The following MPIG6B variants were observed in gnomAD, a reference collection of about 807,000 sequenced individuals.
MPIG6B encodes immunoglobulin receptor.
Under a neutral mutation model 24.2 loss-of-function variants are expected in MPIG6B, and 22 were observed. The ratio of observed to expected loss-of-function variants is 0.91; its 90% CI spans 0.65 to 1.30. MPIG6B has a LOEUF of 1.30. MPIG6B is among the 50% of genes most tolerant of loss of function. MPIG6B has a pLI of 0.00. For missense variants in MPIG6B, 301 were observed against 318.5 expected, an observed-to-expected ratio of 0.94 and a Z score of 0.42; for synonymous variants, 136 against 142.0, an observed-to-expected ratio of 0.96 and a Z score of 0.30.
Position 31,724,855 on chromosome 6 carries a change from G to A in MPIG6B, c.621+11G>A, listed in dbSNP as rs142054379. The A allele has an allele frequency of 1.4e-5, 23 of 1,613,804 alleles. No individual in the cohort carries two copies. The African/African-American group carries it at 2.1e-4, about 15-fold the overall frequency. ...CTGGACCAGGAACCGGTAAGGGCAT[G>A]GGGATGGGAAGGGGATAGCCAGAAT... On this transcript the variant is annotated intron_variant, in intron 5 of 5. Transcript: ENST00000649779.
At chr6:31,723,285 G>A, upstream of MPIG6B, 4 of 607,842 alleles carry the variant, frequency 6.6e-6, no homozygotes, top group Admixed American at 5.4e-5. The surrounding 1 kb of genome is among the most constrained non-coding windows in gnomAD (Gnocchi z 4.3). Flanking sequence ...GAGCCCCCCA[G>A]CCCCTCCGTT....
intron 3 of MPIG6B, 85 bp downstream of exon 3, chr6:31,724,317 C>T: frequency 1.7e-6 from 2 of 1,148,536 alleles, no homozygotes; most frequent in South Asian, 1.3e-5. Context: ...AAAGAAAGAG[C>T]TAGACCTAGA....
In MPIG6B at chr6:31,723,381, A is replaced by C. The variant is rs1182769654; in HGVS notation, c.-3A>C. 6.2e-7 allele frequency: 1 copy of C among 1,611,750 alleles called. No homozygotes were observed. The highest frequency in any genetic ancestry group is 8.5e-7 in the Non-Finnish European group (1 of 1,179,430). Reference sequence around the variant, plus strand: ...CGCAGCTTCTCCTCACCACATCCTAACCATGGCTGTGTTTCTGCAGCTGCT... The same window carrying C: ...CGCAGCTTCTCCTCACCACATCCTACCCATGGCTGTGTTTCTGCAGCTGCT... On this transcript the variant is annotated 5_prime_UTR_variant, in exon 1 of 6. Coordinates refer to ENST00000649779, the MANE Select transcript of MPIG6B (RefSeq NM_138272.3). The surrounding 1 kb of genome is among the most constrained non-coding windows in gnomAD (Gnocchi z 4.3).
At chr6:31,721,512 A>T (rs1343524671), upstream of MPIG6B, 1 of 873,604 alleles carries the variant, frequency 1.1e-6, no homozygotes, top group Non-Finnish European at 1.8e-6. Context: ...GAGCTGAGCC[A>T]GTTGGGGCTG....
chr6:31,721,735 G>A (rs747568109), upstream of MPIG6B: 79 of 1,591,326 alleles, frequency 5.0e-5, no homozygotes, highest in Non-Finnish European at 6.6e-5. Context: ...AGATTTTCAA[G>A]GATCCAGCTC....
At chr6:31,724,327 A>C in intron 3 of MPIG6B, 95 bp downstream of exon 3, 1 of 1,095,188 alleles carries the variant, frequency 9.1e-7, no homozygotes, top group Non-Finnish European at 1.4e-6. Context: ...CTAGACCTAG[A>C]GCTCTGGTCC....
At chr6:31,722,111 A>C (rs557091542), upstream of MPIG6B, among the ~76,000 whole-genome samples, 6 of 152,220 alleles carry the variant, frequency 3.9e-5, no homozygotes, top group Non-Finnish European at 8.8e-5. Flanking sequence ...TGTGGCCCAA[A>C]TTAATTGCTG....
chr6:31,724,346 C>G (rs1426637565), intron 3 of MPIG6B, 114 bp downstream of exon 3: 7 of 969,964 alleles, frequency 7.2e-6, no homozygotes, highest in Non-Finnish European at 9.5e-6. Context: ...CCTGGCTTGG[C>G]GAAGAATGGG....
rs1286574103 is a variant in MPIG6B, at chr6:31,726,441, C to T, written c.*1367C>T. 2.6e-5 allele frequency: 4 copies of T among 152,274 alleles called. No homozygotes were observed. Among genetic ancestry groups the T allele is most frequent in the Non-Finnish European group, 5.9e-5 (4 of 68,056 alleles). The allele number at this position is 152,274 out of a possible 1,614,324, so 9.4% of individuals were successfully genotyped here. On this transcript the variant is annotated 3_prime_UTR_variant, in exon 6 of 6. Coordinates refer to ENST00000649779, the MANE Select transcript of MPIG6B (RefSeq NM_138272.3). This position sits in a 1 kb window ranked among gnomAD's most constrained non-coding sequence, Gnocchi z 5.1. Reference sequence around the variant, plus strand: ...CTGTATTACCCCTTTCCCTCCTTCACACTATCTGCCTGGCTAATTCTTATT... The same window carrying T: ...CTGTATTACCCCTTTCCCTCCTTCATACTATCTGCCTGGCTAATTCTTATT...
chr6:31,723,878 G>A lies in MPIG6B; in HGVS notation c.301G>A (p.Gly101Arg). 6.2e-7 allele frequency: 1 copy of A among 1,609,968 alleles called. No individual in the cohort carries two copies. Among genetic ancestry groups the A allele is most frequent in the South Asian group, 1.1e-5 (1 of 90,718 alleles). ...GCGGCTGGAGCTCCTCTTGAGCGCGGGGGACTCGGGCACTTTTTTCTGCAA... is the reference window on the plus strand; with the variant it reads ...GCGGCTGGAGCTCCTCTTGAGCGCGAGGGACTCGGGCACTTTTTTCTGCAA... ...IRRLELLLSAGDSGTFFCKGR... is the reference protein window; with the variant it reads ...IRRLELLLSARDSGTFFCKGR... The change falls in exon 2 of 6, where the codon GGG (glycine) becomes AGG (arginine). Residue 101 changes from glycine (G) to arginine (R), a missense_variant. By Grantham distance (125) the Gly-to-Arg change is moderately radical. Coordinates refer to ENST00000649779, the MANE Select transcript of MPIG6B (RefSeq NM_138272.3). The surrounding 1 kb of genome is among the most constrained non-coding windows in gnomAD (Gnocchi z 4.3).
Position 31,724,836 on chromosome 6 carries a change from C to CA in MPIG6B, c.614dup (p.Glu206GlyfsTer27). 6.2e-7 allele frequency: 1 copy of CA among 1,613,514 alleles called. No homozygotes were observed. The highest frequency in any genetic ancestry group is 8.5e-7 in the Non-Finnish European group (1 of 1,179,688). On this transcript the variant is annotated frameshift_variant, in exon 5 of 6. Transcript: ENST00000649779. LOFTEE classifies it low-confidence loss of function (END_TRUNC). The stretch of plus-strand genomic sequence containing the variant: ...GCCCAAGATTCCAGGGGACCTGGAC[C>CA]AGGAACCGGTAAGGGCATGGGGATG...
intron 2 of MPIG6B, 28 bp downstream of exon 2, chr6:31,724,014 T>C: frequency 6.4e-7 from 1 of 1,559,812 alleles, no homozygotes; most frequent in East Asian, 2.2e-5. Flanking sequence ...CGCACAAGGG[T>C]ACTTAACTCC....
chr6:31,723,362 T>A (rs750785832), upstream of MPIG6B: 1 of 1,609,500 alleles, frequency 6.2e-7, no homozygotes, highest in Admixed American at 1.7e-5. This position sits in a 1 kb window ranked among gnomAD's most constrained non-coding sequence, Gnocchi z 4.3. Flanking sequence ...CGCTCGCAGC[T>A]TCTCCTCACC....
Position 31,725,175 on chromosome 6 carries a change from G to C in MPIG6B, c.*101G>C. 1 of 838,684 alleles carries C rather than the reference G, an allele frequency of 1.2e-6. No individual in the cohort carries two copies. Among genetic ancestry groups the C allele is most frequent in the Non-Finnish European group, 1.9e-6 (1 of 516,706 alleles). 52.0% of individuals were successfully genotyped at this position (838,684 alleles called of 1,614,324 possible). ...TCACCTGGAAGAGGAAGGCACCATG[G>C]TATAGAAATAAGTGCTAGACTGGGA... On this transcript the variant is annotated 3_prime_UTR_variant, in exon 6 of 6. Transcript: ENST00000649779. This position sits in a 1 kb window ranked among gnomAD's most constrained non-coding sequence, Gnocchi z 5.2.
upstream of MPIG6B, chr6:31,723,341 C>A: frequency 1.9e-6 from 3 of 1,584,488 alleles, no homozygotes; most frequent in Non-Finnish European, 2.6e-6. This position sits in a 1 kb window ranked among gnomAD's most constrained non-coding sequence, Gnocchi z 4.3. Context: ...ACCGGCCCCA[C>A]GCCGCTGATT....
chr6:31,724,842 C>A lies in MPIG6B; in HGVS notation c.619C>A (p.Pro207Thr). The A allele has an allele frequency of 6.2e-7, 1 of 1,613,868 alleles. No individual in the cohort carries two copies. The highest frequency in any genetic ancestry group is 8.5e-7 in the Non-Finnish European group (1 of 1,179,910). ...GATTCCAGGGGACCTGGACCAGGAA[C>A]CGGTAAGGGCATGGGGATGGGAAGG... ...PKIPGDLDQE[P>T]SLLYADLDHL... The change falls in exon 5 of 6, where the codon CCG becomes ACG. Residue 207 changes from proline to threonine, a missense_variant and splice_region_variant. By Grantham distance (38) the Pro-to-Thr change is conservative. Transcript: ENST00000649779.
chr6:31,723,189 TGA>T (rs1305318943), upstream of MPIG6B: 2 of 627,870 alleles, frequency 3.2e-6, no homozygotes, highest in Non-Finnish European at 5.7e-6. This position sits in a 1 kb window ranked among gnomAD's most constrained non-coding sequence, Gnocchi z 4.3. Flanking sequence ...ACATTTTAAG[TGA>T]GAACCATTTG....
chr6:31,725,146 T>C lies in MPIG6B; in HGVS notation c.*72T>C, dbSNP rs1177966432. The C allele has an allele frequency of 2.3e-5, 26 of 1,134,136 alleles. No homozygotes were observed. The Admixed American group carries it at 5.0e-4, about 22-fold the overall frequency. The allele number at this position is 1,134,136 out of a possible 1,614,324, so 70.3% of individuals were successfully genotyped here. On this transcript the variant is annotated 3_prime_UTR_variant, in exon 6 of 6. Transcript: ENST00000649779. The surrounding 1 kb of genome is among the most constrained non-coding windows in gnomAD (Gnocchi z 5.2). Reference sequence around the variant, plus strand: ...CCCATAATCCCTCTCCCCTCCTTGGTTCCTCACCTGGAAGAGGAAGGCACC... The same window carrying C: ...CCCATAATCCCTCTCCCCTCCTTGGCTCCTCACCTGGAAGAGGAAGGCACC...
upstream of MPIG6B, among the ~76,000 whole-genome samples, chr6:31,720,424 G>A (rs1315948772): frequency 6.6e-6 from 1 of 152,190 alleles, no homozygotes; most frequent in East Asian, 1.9e-4. The surrounding 1 kb of genome is among the most constrained non-coding windows in gnomAD (Gnocchi z 4.9). Flanking sequence ...AAAGGCCCAC[G>A]CCCTACATAT....
Sources: gnomAD v4.1 joint callset for allele counts (sites outside exome capture counted in the v4.1 genomes callset) on GRCh38, gnomAD v4.1.1 for gene constraint, Gnocchi (gnomAD v3.1) non-coding constraint, MANE v1.5 for transcripts, NCBI Gene and HGNC (gene_info 2026-07-23, HGNC 2026-07-21) for gene names.